ARMC1: variants seen among roughly 807,000 people sequenced by gnomAD.
ARMC1 encodes armadillo repeat containing 1, also known as armadillo repeat-containing protein 1.
A neutral mutation model predicts 31.4 loss-of-function variants in ARMC1; 16 were observed. That is an observed-to-expected ratio of 0.51 (90% CI 0.34 to 0.77). The LOEUF is 0.77. Ranked by LOEUF, ARMC1 falls within the 30% of genes least tolerant of loss-of-function variation. The pLI is 0.01. For synonymous variants in ARMC1, 114 were observed against 118.9 expected (o/e 0.96, Z 0.27); for missense variants, 259 against 347.5 (o/e 0.75, Z 2.02).
intron 1 of ARMC1, among the ~76,000 whole-genome samples, chr8:65,627,772 G>T (rs1477056108): frequency 6.6e-6 from 1 of 152,172 alleles, no homozygotes; most frequent in Non-Finnish European, 1.5e-5. Context: ...AATATTGCCA[G>T]TGCTTTTTAT....
In ARMC1 at chr8:65,616,941, T is replaced by C. The variant is rs1380995449; in HGVS notation, c.276-3508A>G. On this transcript the variant is annotated intron_variant, in intron 3 of 6. Coordinates refer to ENST00000276569, the MANE Select transcript of ARMC1 (RefSeq NM_018120.6). ...GTGAGGAGCCCCTCCGCCCGGCAGC[T>C]GCCCCGTCTGGGAAGTGAGGAGCGT... 3.9e-4 allele frequency among the ~76,000 whole-genome samples: 54 copies of C among 138,972 alleles called. No individual in the cohort carries two copies. In the East Asian group the frequency reaches 8.8e-3, roughly 23 times the overall value. 91.2% of individuals were successfully genotyped at this position (138,972 alleles called of 152,430 possible).
At position 65,602,833 on chromosome 8, in the gene ARMC1, T is replaced by G. The variant is rs1212387556; in HGVS notation, c.*1561A>C. The G allele has an allele frequency of 6.6e-6, 1 of 151,818 alleles. No individual in the cohort carries two copies. The highest frequency in any genetic ancestry group is 1.5e-5 in the Non-Finnish European group (1 of 67,916). 9.4% of individuals were successfully genotyped at this position (151,818 alleles called of 1,614,324 possible). On this transcript the variant is annotated 3_prime_UTR_variant, in exon 7 of 7. Transcript: ENST00000276569. Reference sequence around the variant, plus strand: ...AAGTTATTGTTGCTTTTTTTGTTTTTTTTTTTTCAGTTTGTGCGTGTCACT... The same window carrying G: ...AAGTTATTGTTGCTTTTTTTGTTTTGTTTTTTTCAGTTTGTGCGTGTCACT...
chr8:65,622,651 G>C (rs1203242716), intron 2 of ARMC1, among the ~76,000 whole-genome samples: 1 of 151,838 alleles, frequency 6.6e-6, no homozygotes, highest in Non-Finnish European at 1.5e-5. Context: ...CATTTAGTGG[G>C]GAAGTGAGCT....
At chr8:65,608,532 A>G (rs1808053296) in intron 4 of ARMC1, among the ~76,000 whole-genome samples, 1 of 152,108 alleles carries the variant, frequency 6.6e-6, no homozygotes, top group South Asian at 2.1e-4. Flanking sequence ...GTCTCGAAAA[A>G]GAGTTCAATT....
intron 4 of ARMC1, among the ~76,000 whole-genome samples, chr8:65,606,014 T>G (rs924375791): frequency 6.6e-6 from 1 of 152,178 alleles, no homozygotes; most frequent in South Asian, 2.1e-4. Context: ...TTAGTAGTTA[T>G]GACAGAGACC....
chr8:65,611,608 G>A (rs1808141578), intron 4 of ARMC1, among the ~76,000 whole-genome samples: 1 of 151,814 alleles, frequency 6.6e-6, no homozygotes, highest in Non-Finnish European at 1.5e-5. Context: ...TTTTCTTAAG[G>A]TAGAAGCTTA....
At chr8:65,620,389 C>A (rs1398364786) in intron 3 of ARMC1, among the ~76,000 whole-genome samples, 1 of 148,728 alleles carries the variant, frequency 6.7e-6, no homozygotes, top group Non-Finnish European at 1.5e-5. Flanking sequence ...GCAACCTCTG[C>A]CTCCCGAGTT....
intron 4 of ARMC1, among the ~76,000 whole-genome samples, chr8:65,612,868 T>C (rs945439891): frequency 4.0e-5 from 6 of 151,864 alleles, no homozygotes; most frequent in African/African-American, 1.5e-4. Flanking sequence ...TCTCAAAAAA[T>C]ATATAAAAAA....
At chr8:65,627,158 A>G in intron 2 of ARMC1, 58 bp downstream of exon 2, 1 of 1,479,192 alleles carries the variant, frequency 6.8e-7, no homozygotes, top group Non-Finnish European at 9.0e-7. Context: ...ACTTTTTCCA[A>G]ATTCTCACCT....
chr8:65,605,928 A>G (rs1260346389), intron 4 of ARMC1, among the ~76,000 whole-genome samples: 1 of 152,194 alleles, frequency 6.6e-6, no homozygotes, highest in Admixed American at 6.5e-5. Context: ...CTGTTTTTGT[A>G]ACTAAGTTTT....
At chr8:65,622,180 A>T in intron 3 of ARMC1, 83 bp downstream of exon 3, 1 of 1,098,882 alleles carries the variant, frequency 9.1e-7, no homozygotes, top group Non-Finnish European at 1.4e-6. Context: ...GCTTGAACCC[A>T]GCATGGGCAA....
intron 3 of ARMC1, 146 bp from the exon 4 acceptor site, chr8:65,613,579 A>C (rs1808189269): frequency 3.9e-6 from 2 of 510,960 alleles, no homozygotes; most frequent in Non-Finnish European, 6.7e-6. Context: ...AATAATCAAT[A>C]ATGTAGAAAA....
intron 1 of ARMC1, among the ~76,000 whole-genome samples, chr8:65,632,458 A>C (rs1182317089): frequency 6.6e-6 from 1 of 152,104 alleles, no homozygotes; most frequent in East Asian, 1.9e-4. Flanking sequence ...CTAAAAATAC[A>C]AAATATTAGC....
rs1476044710 is a variant in ARMC1 at position 65,605,528 on chromosome 8, T to C, written c.476A>G (p.Asn159Ser). 3 of 1,609,942 alleles carry C rather than the reference T, an allele frequency of 1.9e-6. No homozygotes were observed. The highest frequency in any genetic ancestry group is 2.6e-6 in the Non-Finnish European group (3 of 1,176,400). Residue 159 changes from asparagine (N) to serine (S), a missense_variant, in exon 5 of 7, where the codon AAT becomes AGT. Asn to Ser is a conservative substitution (Grantham distance 46). This residue lies in a region of ARMC1 where 23 missense variants were observed against 60.8 expected (regional missense o/e 0.38). Transcript: ENST00000276569. ...TTTTAACAAAGCCTCTTCACATAGA[T>C]TTCTCCGAGACTGAAAAAGTAAAAG... ...IDGLDDTSRR[N>S]LCEEALLKIK...
intron 3 of ARMC1, among the ~76,000 whole-genome samples, chr8:65,621,884 C>T (rs1808400923): frequency 6.6e-6 from 1 of 152,118 alleles, no homozygotes; most frequent in Non-Finnish European, 1.5e-5. Flanking sequence ...TTACCATTTT[C>T]CTACAGTAAT....
intron 3 of ARMC1, among the ~76,000 whole-genome samples, chr8:65,617,051 G>A (rs1193032300): frequency 1.7e-4 from 25 of 151,284 alleles, no homozygotes; most frequent in African/African-American, 6.1e-4. Flanking sequence ...GGTGGGGGGC[G>A]CTTCTGCCCA....
At chr8:65,623,871 T>C (rs1808455256) in intron 2 of ARMC1, among the ~76,000 whole-genome samples, 1 of 124,592 alleles carries the variant, frequency 8.0e-6, no homozygotes, top group South Asian at 2.9e-4. Context: ...AAACTCGGCC[T>C]ACTGCAACCT....
intron 3 of ARMC1, among the ~76,000 whole-genome samples, chr8:65,614,470 G>A (rs940379041): frequency 1.3e-5 from 2 of 152,138 alleles, no homozygotes; most frequent in Non-Finnish European, 2.9e-5. Context: ...AGAGTGAGTG[G>A]CTAACCATAC....
rs191862422 is a variant in ARMC1 at position 65,605,237 on chromosome 8, T to C, written c.657+26A>G. 89 of 1,580,594 alleles carry C rather than the reference T, an allele frequency of 5.6e-5. No individual in the cohort carries two copies. In the East Asian group the frequency reaches 9.6e-4, roughly 17 times the overall value. ...AAAATAATTGAGAGTGAGTTGGATA[T>C]AAAGAAAATTAAACACAACTTTTAC... On this transcript the variant is annotated intron_variant, in intron 6 of 6. Transcript: ENST00000276569.
Sources: allele counts gnomAD v4.1 joint callset (sites outside exome capture counted in the v4.1 genomes callset), GRCh38; gene constraint gnomAD v4.1.1; regional missense constraint gnomAD v4.1.1; transcripts MANE v1.5; gene names NCBI Gene and HGNC (gene_info 2026-07-23, HGNC 2026-07-21).